The following LAIR1 variants were observed in gnomAD, a reference collection of about 807,000 sequenced individuals.
LAIR1 encodes the protein leukocyte associated immunoglobulin like receptor 1.
Under a neutral mutation model 32.8 loss-of-function variants are expected in LAIR1, and 24 were observed. The ratio of observed to expected loss-of-function variants is 0.73; its 90% CI spans 0.53 to 1.03. LAIR1 has a LOEUF of 1.03. Among genes scored for constraint, LAIR1 ranks in the 50% least tolerant of loss-of-function variants. LAIR1 has a pLI of 0.00. For missense variants in LAIR1, 355 were observed against 347.5 expected, an observed-to-expected ratio of 1.02 and a Z score of -0.17; for synonymous variants, 150 against 140.5, an observed-to-expected ratio of 1.07 and a Z score of -0.48.
intron 5 of LAIR1, 28 bp from the exon 6 acceptor site, chr19:54,356,647 C>T (rs1601274083): frequency 6.2e-7 from 1 of 1,611,894 alleles, no homozygotes; most frequent in Admixed American, 1.7e-5. Flanking sequence ...AGGATTTCAG[C>T]AGTGTGCATT....
upstream of LAIR1, among the ~76,000 whole-genome samples, chr19:54,365,358 G>A (rs547907327): frequency 1.4e-4 from 22 of 152,266 alleles, no homozygotes; most frequent in African/African-American, 3.4e-4. Flanking sequence ...TGGTGAGGAT[G>A]TGGAGAAACT....
At chr19:54,369,150 C>T (rs1460884735), upstream of LAIR1, among the ~76,000 whole-genome samples, 1 of 150,560 alleles carries the variant, frequency 6.6e-6, no homozygotes, top group African/African-American at 2.5e-5. Flanking sequence ...AAAAAATTAA[C>T]ACTGGTACAA....
At position 54,364,828 on chromosome 19, in the gene LAIR1, C is replaced by T. The variant is rs772650511; in HGVS notation, c.-24G>A. 6.8e-6 allele frequency: 11 copies of T among 1,614,110 alleles called. No homozygotes were observed. In the South Asian group the frequency reaches 1.2e-4, roughly 18 times the overall value. The stretch of plus-strand genomic sequence containing the variant: ...ATGGCCCAGGTCCCAGCAGTGCAGC[C>T]TGGCCTGAGGCGCACCAATGCAAGG... On this transcript the variant is annotated 5_prime_UTR_variant, in exon 1 of 10. Transcript: ENST00000391742. This position sits in a 1 kb window ranked among gnomAD's most constrained non-coding sequence, Gnocchi z 4.8.
Position 54,353,505 on chromosome 19 carries a change from G to C in LAIR1, c.*1763C>G, listed in dbSNP as rs2081576284. The C allele has an allele frequency of 6.6e-6, 1 of 152,160 alleles. No homozygotes were observed. Among genetic ancestry groups the C allele is most frequent in the African/African-American group, 2.4e-5 (1 of 41,404 alleles). 9.4% of individuals were successfully genotyped at this position (152,160 alleles called of 1,614,324 possible). On this transcript the variant is annotated 3_prime_UTR_variant, in exon 10 of 10. Coordinates refer to ENST00000391742, the MANE Select transcript of LAIR1 (RefSeq NM_002287.6). ...CGGGGTTCATAATGTGGAGTCAGGA[G>C]CCTCAGGTGGGTCTGAAGCCCCTGT...
In LAIR1 at chr19:54,364,388, C is replaced by T; in HGVS notation, c.35-58G>A. 7 of 1,609,412 alleles carry T rather than the reference C, an allele frequency of 4.3e-6. No homozygotes were observed. The highest frequency in any genetic ancestry group is 6.0e-6 in the Non-Finnish European group (7 of 1,175,790). ...AGTGCCCAGTCTCCTTACGGGGCTG[C>T]TGTCAAAAGGGGGCTCGATGGAGCT... On this transcript the variant is annotated intron_variant, in intron 1 of 9. Transcript: ENST00000391742. This position sits in a 1 kb window ranked among gnomAD's most constrained non-coding sequence, Gnocchi z 4.8.
chr19:54,376,035 C>A, the LAIR1 span, among the ~76,000 whole-genome samples: 2 of 151,170 alleles, frequency 1.3e-5, no homozygotes, highest in Non-Finnish European at 2.9e-5. Flanking sequence ...GGGGTCCAAC[C>A]TCCCCTAGAA....
rs1167197022 is a variant in LAIR1 at position 54,352,068 on chromosome 19, T to C, written c.*3200A>G. ...CTCTGCTTTGATAAAGGTCACCGGG[T>C]AATCTTTCTCTCAACGCCTTGCCCA... On this transcript the variant is annotated 3_prime_UTR_variant, in exon 10 of 10. Transcript: ENST00000391742. 6.6e-6 allele frequency: 1 copy of C among 152,168 alleles called. No individual in the cohort carries two copies. Among genetic ancestry groups the C allele is most frequent in the African/African-American group, 2.4e-5 (1 of 41,396 alleles). 9.4% of individuals were successfully genotyped at this position (152,168 alleles called of 1,614,324 possible).
In LAIR1 at chr19:54,355,303, C is replaced by A. The variant is rs200961101; in HGVS notation, c.829G>T (p.Glu277Ter). 6.2e-7 allele frequency: 1 copy of A among 1,612,030 alleles called. No individual in the cohort carries two copies. The highest frequency in any genetic ancestry group is 1.7e-5 in the Admixed American group (1 of 59,856). The part of the protein sequence containing the change: ...VSPQSTKPMA[E>*]SITYAAVARH ...GCAACGGCTGCATACGTGATGGACT[C>A]GGCCATGGGCTTTGTGGACTGTGGG... Residue 277 changes from glutamate to a stop codon, truncating the protein, a stop_gained, in exon 10 of 10, where the codon GAG becomes TAG. Transcript: ENST00000391742. LOFTEE classifies it low-confidence loss of function (END_TRUNC). The surrounding 1 kb of genome is among the most constrained non-coding windows in gnomAD (Gnocchi z 4.7).
At chr19:54,356,890 A>G in intron 5 of LAIR1, 38 bp downstream of exon 5, 1 of 1,612,798 alleles carries the variant, frequency 6.2e-7, no homozygotes, top group Non-Finnish European at 8.5e-7. Flanking sequence ...CCCAAGAGGC[A>G]CACACCAGCT....
At chr19:54,357,140 A>C in intron 4 of LAIR1, 174 bp from the exon 5 acceptor site, 1 of 600,926 alleles carries the variant, frequency 1.7e-6, no homozygotes, top group East Asian at 2.8e-5. Flanking sequence ...AACTTTCTAC[A>C]TCTACTGTCC....
In LAIR1 at chr19:54,351,876, A is replaced by AG. The variant is rs900130975; in HGVS notation, c.*3391_*3392insC. 6.6e-6 allele frequency: 1 copy of AG among 151,454 alleles called. No homozygotes were observed. The highest frequency in any genetic ancestry group is 1.5e-5 in the Non-Finnish European group (1 of 67,800). The allele number at this position is 151,454 out of a possible 1,614,324, so 9.4% of individuals were successfully genotyped here. ...TCAGTTTTACACTAAAAGGTAAAAA[A>AG]AAGTTAAAAAAAAGAAAAAAAAAGT... On this transcript the variant is annotated 3_prime_UTR_variant, in exon 10 of 10. Transcript: ENST00000391742.
At chr19:54,372,112 C>T (rs757037441), upstream of LAIR1, among the ~76,000 whole-genome samples, 7 of 151,576 alleles carry the variant, frequency 4.6e-5, no homozygotes, top group Non-Finnish European at 7.3e-5. Flanking sequence ...TCCATATGAC[C>T]GTATGTTTTC....
In LAIR1 at chr19:54,351,760, A is replaced by G. The variant is rs917876062; in HGVS notation, c.*3508T>C. On this transcript the variant is annotated 3_prime_UTR_variant, in exon 10 of 10. Transcript: ENST00000391742. Reference sequence around the variant, plus strand: ...TATTCATCCAGAGAGAGTGTTTTAAATGGGGCTATGACAGAGAAGGTAGAC... The same window carrying G: ...TATTCATCCAGAGAGAGTGTTTTAAGTGGGGCTATGACAGAGAAGGTAGAC... The G allele has an allele frequency of 9.0e-6, 1 of 111,088 alleles. No homozygotes were observed. The highest frequency in any genetic ancestry group is 3.7e-5 in the African/African-American group (1 of 27,314). The allele number at this position is 111,088 out of a possible 1,614,324, so 6.9% of individuals were successfully genotyped here.
chr19:54,360,369 G>T (rs2081954111), intron 3 of LAIR1, among the ~76,000 whole-genome samples: 1 of 137,112 alleles, frequency 7.3e-6, no homozygotes, highest in Non-Finnish European at 1.6e-5. Context: ...AGTGGACTTT[G>T]ACTCCAGGAC....
chr19:54,372,335 G>C (rs908853797), upstream of LAIR1, among the ~76,000 whole-genome samples: 6 of 151,270 alleles, frequency 4.0e-5, no homozygotes, highest in Admixed American at 3.3e-4. Flanking sequence ...CACTCTAATA[G>C]GTGTGTCGTG....
upstream of LAIR1, chr19:54,365,082 GC>G (rs755264109): frequency 4.2e-5 from 57 of 1,342,368 alleles, no homozygotes; most frequent in Non-Finnish European, 5.2e-5. Flanking sequence ...AGATGTGTCA[GC>G]CTCTTTCTAA....
intron 2 of LAIR1, among the ~76,000 whole-genome samples, chr19:54,363,091 T>C (rs1046062065): frequency 3.3e-5 from 5 of 151,874 alleles, no homozygotes; most frequent in Non-Finnish European, 7.4e-5. Flanking sequence ...TTAAAAACTG[T>C]GGAAAGTACA....
rs770294341 is a variant in LAIR1 at position 54,355,228 on chromosome 19, A to C, written c.*40T>G. Reference sequence around the variant, plus strand: ...GCTGCTTCAGGCTTTTCCTAGAGTGACTTTCTACCCTCAGGTGCAGAGGCC... The same window carrying C: ...GCTGCTTCAGGCTTTTCCTAGAGTGCCTTTCTACCCTCAGGTGCAGAGGCC... On this transcript the variant is annotated 3_prime_UTR_variant, in exon 10 of 10. Coordinates refer to ENST00000391742, the MANE Select transcript of LAIR1 (RefSeq NM_002287.6). This position sits in a 1 kb window ranked among gnomAD's most constrained non-coding sequence, Gnocchi z 4.7. 2 of 1,510,142 alleles carry C rather than the reference A, an allele frequency of 1.3e-6. No individual in the cohort carries two copies. Among genetic ancestry groups the C allele is most frequent in the Admixed American group, 4.3e-5 (2 of 46,958 alleles). The allele number at this position is 1,510,142 out of a possible 1,614,324, so 93.5% of individuals were successfully genotyped here.
In LAIR1 at chr19:54,351,677, G is replaced by A. The variant is rs1386734768; in HGVS notation, c.*3591C>T. On this transcript the variant is annotated 3_prime_UTR_variant, in exon 10 of 10. Transcript: ENST00000391742. ...GCAGGTGTGTAAGCAGGAGCCAAGAGTGAAACACGCTCTTGCTCCTCTTCC... is the reference window on the plus strand; with the variant it reads ...GCAGGTGTGTAAGCAGGAGCCAAGAATGAAACACGCTCTTGCTCCTCTTCC... The A allele has an allele frequency of 6.6e-6, 1 of 152,156 alleles. No homozygotes were observed. The highest frequency in any genetic ancestry group is 1.5e-5 in the Non-Finnish European group (1 of 68,034). The allele number at this position is 152,156 out of a possible 1,614,324, so 9.4% of individuals were successfully genotyped here.
Sources: gnomAD v4.1 joint callset for allele counts (sites outside exome capture counted in the v4.1 genomes callset) on GRCh38, gnomAD v4.1.1 for gene constraint, Gnocchi (gnomAD v3.1) non-coding constraint, MANE v1.5 for transcripts, NCBI Gene and HGNC (gene_info 2026-07-23, HGNC 2026-07-21) for gene names.